VIT: variants seen among roughly 807,000 people sequenced by gnomAD.
VIT encodes the protein vitrin.
Under a neutral mutation model 78.0 loss-of-function variants are expected in VIT, and 99 were observed. The observed-to-expected ratio is 1.27, with a 90% CI of 1.08 to 1.50. The LOEUF is 1.50. Ranked by LOEUF, VIT falls within the 40% of genes most tolerant of loss-of-function variation. The pLI, the probability that VIT is intolerant of heterozygous loss-of-function variation, is 0.00. For missense variants in VIT, 1,126 were observed against 875.3 expected, an observed-to-expected ratio of 1.29 and a Z score of -3.61; for synonymous variants, 374 against 334.3, an observed-to-expected ratio of 1.12 and a Z score of -1.29.
chr2:36,706,267 T>C (rs987152504), intron 1 of VIT, among the ~76,000 whole-genome samples: 2 of 152,192 alleles, frequency 1.3e-5, no homozygotes, highest in African/African-American at 4.8e-5. Flanking sequence ...TCCTTTTCAT[T>C]TTGAGTGTTT....
At chr2:36,725,827 T>G (rs1666808148) in intron 2 of VIT, among the ~76,000 whole-genome samples, 1 of 152,058 alleles carries the variant, frequency 6.6e-6, no homozygotes, top group Admixed American at 6.5e-5. Flanking sequence ...ATCCCAGCAC[T>G]TTGAGAGGCC....
intron 12 of VIT, among the ~76,000 whole-genome samples, chr2:36,793,722 T>TAGTTC (rs35056683): frequency 9.9e-5 from 2 of 20,278 alleles, no homozygotes; most frequent in East Asian, 0.25. Flanking sequence ...TTTGAGAAAA[T>TAGTTC]AGAAAAGTTC....
At chr2:36,813,791 A>G (rs552852033) in intron 15 of VIT, among the ~76,000 whole-genome samples, 38 of 152,292 alleles carry the variant, frequency 2.5e-4, no homozygotes, top group African/African-American at 8.9e-4. Context: ...TGTGTCATGT[A>G]TTCTGATCTG....
chr2:36,768,531 C>A (rs979509178), intron 7 of VIT, among the ~76,000 whole-genome samples: 4 of 152,216 alleles, frequency 2.6e-5, no homozygotes, highest in Admixed American at 2.6e-4. Flanking sequence ...TCCGTAACAA[C>A]CCTATGAAGT....
chr2:36,792,231 G>A (rs1005940906), intron 12 of VIT, among the ~76,000 whole-genome samples: 5 of 152,072 alleles, frequency 3.3e-5, no homozygotes, highest in African/African-American at 9.7e-5. Flanking sequence ...ATTTTCCAGG[G>A]CCTAGTGCCC....
intron 1 of VIT, among the ~76,000 whole-genome samples, chr2:36,707,400 C>A (rs1294847365): frequency 2.6e-5 from 4 of 152,176 alleles, no homozygotes; most frequent in Non-Finnish European, 5.9e-5. Context: ...AAGAGAGGCA[C>A]CCTCTCCCCA....
intron 7 of VIT, among the ~76,000 whole-genome samples, chr2:36,772,899 C>A (rs181179450): frequency 6.6e-6 from 1 of 152,268 alleles, no homozygotes; most frequent in African/African-American, 2.4e-5. Flanking sequence ...GTTTTACGTG[C>A]CTCTCTTTCC....
intron 3 of VIT, among the ~76,000 whole-genome samples, chr2:36,732,072 C>T (rs1667245352): frequency 6.6e-6 from 1 of 152,208 alleles, no homozygotes; most frequent in Admixed American, 6.5e-5. Context: ...AGAGGACCAG[C>T]CCTGGGGCAG....
At chr2:36,780,004 T>C (rs746280402) in intron 9 of VIT, among the ~76,000 whole-genome samples, 3 of 152,198 alleles carry the variant, frequency 2.0e-5, no homozygotes, top group Non-Finnish European at 2.9e-5. Flanking sequence ...GCTTCTGATG[T>C]CTTTTCTTGA....
chr2:36,791,513 G>A (rs913593068), intron 12 of VIT, among the ~76,000 whole-genome samples: 3 of 152,208 alleles, frequency 2.0e-5, no homozygotes, highest in Admixed American at 1.3e-4. Context: ...CTCTGAGATG[G>A]GGGGGTTCTC....
chr2:36,776,001 C>G (rs1670025270), intron 9 of VIT, among the ~76,000 whole-genome samples: 1 of 152,194 alleles, frequency 6.6e-6, no homozygotes, highest in Admixed American at 6.5e-5. Flanking sequence ...ATAAAATCGT[C>G]AGATTATGGA....
chr2:36,706,630 C>G (rs1162437887), intron 1 of VIT, among the ~76,000 whole-genome samples: 1 of 152,156 alleles, frequency 6.6e-6, no homozygotes, highest in Non-Finnish European at 1.5e-5. Flanking sequence ...AATCCCGATT[C>G]CAAAATCCCA....
chr2:36,765,435 A>AAGAGAG (rs57985843), intron 6 of VIT, among the ~76,000 whole-genome samples: 1 of 135,278 alleles, frequency 7.4e-6, no homozygotes, highest in African/African-American at 2.7e-5. Flanking sequence ...GAGAGAGAGA[A>AAGAGAG]AGAGAGAGAG....
chr2:36,713,849 T>A (rs1322435643), intron 1 of VIT, among the ~76,000 whole-genome samples: 1 of 152,226 alleles, frequency 6.6e-6, no homozygotes, highest in African/African-American at 2.4e-5. Context: ...ATAGGACAAC[T>A]TGGCATACTG....
chr2:36,743,206 C>G lies in VIT; in HGVS notation c.225C>G (p.Gly75=). 1 of 1,614,098 alleles carries G rather than the reference C, an allele frequency of 6.2e-7. No individual in the cohort carries two copies. Among genetic ancestry groups the G allele is most frequent in the African/African-American group, 1.3e-5 (1 of 75,050 alleles). ...GCQDPKYHVY[G]TDVYASYSSV... is the part of the protein sequence containing the mutation. ...AAGACCCCAAATACCATGTTTATGG[C>G]ACTGACGTGTATGCATCCTACTCCA... The change falls in exon 4 of 16, where the codon GGC becomes GGG. Residue 75 remains glycine, a synonymous_variant. Coordinates refer to ENST00000379242, the MANE Select transcript of VIT (RefSeq NM_053276.4).
intron 1 of VIT, among the ~76,000 whole-genome samples, chr2:36,704,154 G>A (rs1036111160): frequency 1.3e-5 from 2 of 151,960 alleles, no homozygotes; most frequent in South Asian, 4.2e-4. Context: ...TCGAAGTCCT[G>A]ACCTCAGGTG....
At chr2:36,759,967 A>C (rs1251972302) in intron 6 of VIT, among the ~76,000 whole-genome samples, 2 of 151,532 alleles carry the variant, frequency 1.3e-5, no homozygotes, top group Non-Finnish European at 2.9e-5. Flanking sequence ...ACCCCTCTCT[A>C]AACCACCATT....
intron 5 of VIT, among the ~76,000 whole-genome samples, chr2:36,758,037 T>G (rs1668872306): frequency 6.6e-6 from 1 of 152,208 alleles, no homozygotes; most frequent in South Asian, 2.1e-4. Flanking sequence ...TGTGCCACAC[T>G]GCTTACCATC....
intron 2 of VIT, among the ~76,000 whole-genome samples, chr2:36,717,117 C>T (rs184467095): frequency 2.6e-5 from 4 of 151,806 alleles, no homozygotes; most frequent in Admixed American, 2.0e-4. Context: ...CCTCGTGATC[C>T]GTCCACCTCA....
Sources: gnomAD v4.1 joint callset for allele counts (sites outside exome capture counted in the v4.1 genomes callset) on GRCh38, gnomAD v4.1.1 for gene constraint, MANE v1.5 for transcripts, NCBI Gene and HGNC (gene_info 2026-07-23, HGNC 2026-07-21) for gene names.